The following SLC25A30 variants were observed in gnomAD, a reference collection of about 807,000 sequenced individuals.
SLC25A30 encodes solute carrier family 25 member 30.
A neutral mutation model predicts 42.7 loss-of-function variants in SLC25A30; 29 were observed. The observed-to-expected ratio is 0.68, with a 90% CI of 0.51 to 0.93. The LOEUF is 0.93. Among genes scored for constraint, SLC25A30 ranks in the 40% least tolerant of loss-of-function variants. The probability of loss-of-function intolerance (pLI) is 0.00; values close to 1 mark genes in which losing one functional copy is unlikely to be tolerated. For synonymous variants in SLC25A30, 124 were observed against 131.0 expected (o/e 0.95, Z 0.37); for missense variants, 300 against 359.7 (o/e 0.83, Z 1.34).
intron 2 of SLC25A30, among the ~76,000 whole-genome samples, chr13:45,410,579 G>A (rs971904204): frequency 4.9e-5 from 7 of 142,052 alleles, no homozygotes; most frequent in Non-Finnish European, 9.3e-5. Context: ...CTGGGAGGCC[G>A]AGGCAAGTGG....
Position 45,394,439 on chromosome 13 carries a change from G to C in SLC25A30, c.*1535C>G, listed in dbSNP as rs1881168224. On this transcript the variant is annotated 3_prime_UTR_variant, in exon 10 of 10. Transcript: ENST00000519676. ...TCAGTCTCAACAAAGAGACTGGCCA[G>C]ACTGGGAATTTGGCCGCACTACTGT... 2.0e-6 allele frequency: 2 copies of C among 985,400 alleles called. No homozygotes were observed. Among genetic ancestry groups the C allele is most frequent in the African/African-American group, 1.7e-5 (1 of 57,340 alleles). The allele number at this position is 985,400 out of a possible 1,614,324, so 61.0% of individuals were successfully genotyped here. A position where few individuals can be genotyped will look rare whatever the true frequency, so the allele number is the denominator to read the frequency against.
In SLC25A30 at chr13:45,408,940, C is replaced by T; in HGVS notation, c.199G>A (p.Ala67Thr). Residue 67 changes from alanine to threonine, a missense_variant, in exon 3 of 10, where the codon GCA (alanine) becomes ACA (threonine). Ala to Thr is a moderately conservative substitution (Grantham distance 58). Coordinates refer to ENST00000519676, the MANE Select transcript of SLC25A30 (RefSeq NM_001010875.4). ...VRIGREEGLK[A>T]LYSGIAPAML... Reference sequence around the variant, plus strand: ...AGGCCTACTCACCCCGAGTAGAGTGCTTTCAGCCCTTCTTCTCTGCCTATC... The same window carrying T: ...AGGCCTACTCACCCCGAGTAGAGTGTTTTCAGCCCTTCTTCTCTGCCTATC... The T allele has an allele frequency of 3.7e-6, 6 of 1,609,404 alleles. No homozygotes were observed. Among genetic ancestry groups the T allele is most frequent in the Non-Finnish European group, 5.1e-6 (6 of 1,178,316 alleles).
At position 45,397,120 on chromosome 13, in the gene SLC25A30, GT is replaced by G. The variant is rs1482128691; in HGVS notation, c.834+137del. 4.5e-6 allele frequency: 3 copies of G among 661,462 alleles called. No individual in the cohort carries two copies. In the African/African-American group the frequency reaches 5.5e-5, roughly 12 times the overall value. The allele number at this position is 661,462 out of a possible 1,614,324, so 41.0% of individuals were successfully genotyped here. On this transcript the variant is annotated intron_variant, in intron 9 of 9. Coordinates refer to ENST00000519676, the MANE Select transcript of SLC25A30 (RefSeq NM_001010875.4). Reference sequence around the variant, plus strand: ...TTACACTTCCTAAAAAAGAAACTAAGTAGTGACTTCTTAGCATCAGAGGAAC... The same window carrying G: ...TTACACTTCCTAAAAAAGAAACTAAGAGTGACTTCTTAGCATCAGAGGAAC...
intron 5 of SLC25A30, chr13:45,402,984 G>C (rs186233340): frequency 5.0e-6 from 1 of 201,754 alleles, no homozygotes; most frequent in Admixed American, 6.5e-5. Flanking sequence ...AATGAAGAAA[G>C]ATTTTTTACT....
intron 3 of SLC25A30, among the ~76,000 whole-genome samples, chr13:45,407,294 G>A (rs1232251265): frequency 1.3e-5 from 2 of 152,158 alleles, no homozygotes; most frequent in African/African-American, 4.8e-5. Flanking sequence ...AGCTACTCGG[G>A]AGGCTGAGGC....
intron 1 of SLC25A30, among the ~76,000 whole-genome samples, chr13:45,412,280 A>G (rs6561228): frequency 0.54 from 81,490 of 151,670 alleles, 22,566 homozygotes; most frequent in African/African-American, 0.62. Flanking sequence ...CCACCATGCC[A>G]GCCTAATTGT....
At chr13:45,407,983 T>C (rs1337247480) in intron 3 of SLC25A30, among the ~76,000 whole-genome samples, 1 of 152,232 alleles carries the variant, frequency 6.6e-6, no homozygotes. Context: ...CTGCTTCTAG[T>C]GCTCCCTGTC....
Position 45,397,918 on chromosome 13 carries a change from G to A in SLC25A30, c.754-580C>T, listed in dbSNP as rs150800644. 32 of 985,458 alleles carry A rather than the reference G, an allele frequency of 3.2e-5. No individual in the cohort carries two copies. In the East Asian group the frequency reaches 2.5e-3, roughly 77 times the overall value. The allele number at this position is 985,458 out of a possible 1,614,324, so 61.0% of individuals were successfully genotyped here. On this transcript the variant is annotated intron_variant, in intron 8 of 9. Coordinates refer to ENST00000519676, the MANE Select transcript of SLC25A30 (RefSeq NM_001010875.4). ...AAAAATTAGATTTAATTCCAATTAC[G>A]GTCTGTTGCTTCCGTGCCATGTGGG...
At chr13:45,398,729 C>T (rs777456052) in intron 8 of SLC25A30, 2 of 413,432 alleles carry the variant, frequency 4.8e-6, no homozygotes, top group Non-Finnish European at 8.5e-6. Context: ...GAAATATTTC[C>T]TCACCTTTCA....
At chr13:45,433,984 C>A in the SLC25A30 span, among the ~76,000 whole-genome samples, 1 of 152,096 alleles carries the variant, frequency 6.6e-6, no homozygotes, top group East Asian at 1.9e-4. Flanking sequence ...TCAGGCTGGG[C>A]GCAATGGTTC....
intron 2 of SLC25A30, among the ~76,000 whole-genome samples, chr13:45,411,106 A>ATT (rs111622457): frequency 2.1e-5 from 3 of 144,862 alleles, no homozygotes; most frequent in Admixed American, 6.9e-5. Context: ...CACCTGGCTA[A>ATT]TTTTTTTTTT....
chr13:45,433,657 T>C, the SLC25A30 span, among the ~76,000 whole-genome samples: 1 of 152,160 alleles, frequency 6.6e-6, no homozygotes, highest in Non-Finnish European at 1.5e-5. Context: ...CTGGTAATAG[T>C]GGAAGAGTCA....
chr13:45,409,540 G>A (rs1349018733), intron 2 of SLC25A30, among the ~76,000 whole-genome samples: 1 of 152,210 alleles, frequency 6.6e-6, no homozygotes, highest in African/African-American at 2.4e-5. Context: ...TAGGCACAGT[G>A]GCTCATGCCT....
At position 45,395,998 on chromosome 13, in the gene SLC25A30, C is replaced by T. The variant is rs986651517; in HGVS notation, c.852G>A (p.Glu284=). ...PWNIIFFVTY[E]QLKKLDL Reference sequence around the variant, plus strand: ...GTCACAAATCCAATTTCTTCAACTGCTCGTATGTCACAAAGAACTGTGGTT... The same window carrying T: ...GTCACAAATCCAATTTCTTCAACTGTTCGTATGTCACAAAGAACTGTGGTT... The change falls in exon 10 of 10, where the codon GAG becomes GAA. Residue 284 remains glutamate (E), a synonymous_variant. Transcript: ENST00000519676. 1 of 1,614,192 alleles carries T rather than the reference C, an allele frequency of 6.2e-7. No individual in the cohort carries two copies.
At position 45,395,564 on chromosome 13, in the gene SLC25A30, T is replaced by C. The variant is rs929791177; in HGVS notation, c.*410A>G. ...GAAATTCAGAAACCATAACACCTTCTCGGAGGCTCCATTCCATGGTTCCAG... is the reference window on the plus strand; with the variant it reads ...GAAATTCAGAAACCATAACACCTTCCCGGAGGCTCCATTCCATGGTTCCAG... On this transcript the variant is annotated 3_prime_UTR_variant, in exon 10 of 10. Transcript: ENST00000519676. 9.3e-7 allele frequency: 1 copy of C among 1,080,694 alleles called. No homozygotes were observed. The highest frequency in any genetic ancestry group is 1.6e-5 in the African/African-American group (1 of 60,928). 66.9% of individuals were successfully genotyped at this position (1,080,694 alleles called of 1,614,324 possible). A position where few individuals can be genotyped will look rare whatever the true frequency, so the allele number is the denominator to read the frequency against.
chr13:45,408,876 C>A (rs1191273904), intron 3 of SLC25A30, 51 bp downstream of exon 3: 1 of 1,542,418 alleles, frequency 6.5e-7, no homozygotes, highest in Non-Finnish European at 8.8e-7. Context: ...GAAGTCTATA[C>A]CCATGTGAAA....
intron 1 of SLC25A30, among the ~76,000 whole-genome samples, chr13:45,413,922 G>A (rs186214930): frequency 6.6e-6 from 1 of 152,266 alleles, no homozygotes; most frequent in Non-Finnish European, 1.5e-5. Flanking sequence ...TTTTCAGTTG[G>A]TTAGGTTAAA....
the SLC25A30 span, among the ~76,000 whole-genome samples, chr13:45,426,292 G>A: frequency 3.3e-5 from 5 of 151,550 alleles, no homozygotes; most frequent in Non-Finnish European, 5.9e-5. Context: ...TCACCATGTT[G>A]GCTAGGATGG....
At position 45,394,845 on chromosome 13, in the gene SLC25A30, A is replaced by G; in HGVS notation, c.*1129T>C. The G allele has an allele frequency of 1.0e-6, 1 of 985,450 alleles. No homozygotes were observed. The highest frequency in any genetic ancestry group is 1.2e-6 in the Non-Finnish European group (1 of 829,912). 61.0% of individuals were successfully genotyped at this position (985,450 alleles called of 1,614,324 possible). A position where few individuals can be genotyped will look rare whatever the true frequency, so the allele number is the denominator to read the frequency against. ...CAAGCAGGTATTTTCCATCCAAACTAAACAGAAAGTCCAAGACAGGCACAA... is the reference window on the plus strand; with the variant it reads ...CAAGCAGGTATTTTCCATCCAAACTGAACAGAAAGTCCAAGACAGGCACAA... On this transcript the variant is annotated 3_prime_UTR_variant, in exon 10 of 10. Coordinates refer to ENST00000519676, the MANE Select transcript of SLC25A30 (RefSeq NM_001010875.4).
Sources: allele counts gnomAD v4.1 joint callset (sites outside exome capture counted in the v4.1 genomes callset), GRCh38; gene constraint gnomAD v4.1.1; transcripts MANE v1.5; gene names NCBI Gene and HGNC (gene_info 2026-07-23, HGNC 2026-07-21).